The following SOHLH2 variants were observed in gnomAD, a reference collection of about 807,000 sequenced individuals.
SOHLH2 encodes spermatogenesis- and oogenesis-specific basic helix-loop-helix-containing protein 2.
SOHLH2 carries 22 observed loss-of-function variants against 50.4 expected under a neutral mutation model. The ratio of observed to expected loss-of-function variants is 0.44; its 90% confidence interval spans 0.31 to 0.62. SOHLH2 has a LOEUF of 0.62. Ranked by LOEUF, SOHLH2 falls within the 20% of genes least tolerant of loss-of-function variation. The pLI, the probability that SOHLH2 is intolerant of heterozygous loss-of-function variation, is 0.08. For synonymous variants in SOHLH2, 185 were observed against 187.3 expected, an observed-to-expected ratio of 0.99 and a Z score of 0.10; for missense variants, 412 against 504.4, an observed-to-expected ratio of 0.82 and a Z score of 1.76.
chr13:36,208,742 G>T (rs1335784586), intron 1 of SOHLH2, among the ~76,000 whole-genome samples: 2 of 152,136 alleles, frequency 1.3e-5, no homozygotes, highest in Non-Finnish European at 2.9e-5. Context: ...TACAGGCTCA[G>T]AAAATTATTT....
At chr13:36,190,358 C>T (rs1033173812) in intron 5 of SOHLH2, among the ~76,000 whole-genome samples, 8 of 152,108 alleles carry the variant, frequency 5.3e-5, no homozygotes, top group Non-Finnish European at 1.0e-4. Flanking sequence ...ATTATGACTA[C>T]ACCATATTAT....
At chr13:36,212,152 G>A (rs1869166367) in intron 1 of SOHLH2, among the ~76,000 whole-genome samples, 1 of 152,184 alleles carries the variant, frequency 6.6e-6, no homozygotes. Context: ...GTAGGAAGAT[G>A]ATCTGGAAAG....
intron 10 of SOHLH2, 107 bp from the exon 11 acceptor site, chr13:36,169,161 A>C: frequency 7.0e-7 from 1 of 1,421,586 alleles, no homozygotes; most frequent in Non-Finnish European, 9.2e-7. Context: ...AATGATTTGC[A>C]AAACTATGTT....
intron 6 of SOHLH2, among the ~76,000 whole-genome samples, chr13:36,186,116 C>T (rs1377967833): frequency 1.3e-5 from 2 of 151,970 alleles, no homozygotes; most frequent in African/African-American, 2.4e-5. Flanking sequence ...AAATTATCTA[C>T]ACCTTAAGAC....
Position 36,170,656 on chromosome 13 carries a change from T to C in SOHLH2, c.1132A>G (p.Thr378Ala), listed in dbSNP as rs1009745901. 4.3e-6 allele frequency: 7 copies of C among 1,614,150 alleles called. No individual in the cohort carries two copies. Among genetic ancestry groups the C allele is most frequent in the Admixed American group, 1.7e-5 (1 of 60,018 alleles). The change falls in exon 10 of 11, where the codon ACT becomes GCT. Residue 378 changes from threonine (T) to alanine (A), a missense_variant. By Grantham distance (58) the Thr-to-Ala change is moderately conservative. Transcript: ENST00000379881. ...YSKVTPSYDA[T>A]AVTNQNISIH... ...GAAATGTTCTGATTTGTTACAGCAG[T>C]TGCATCGTAGGAAGGGGTGACTTTA...
chr13:36,191,706 G>A, intron 5 of SOHLH2, 89 bp downstream of exon 5: 4 of 1,496,650 alleles, frequency 2.7e-6, no homozygotes, highest in South Asian at 2.4e-5. Flanking sequence ...CTTAAGTACA[G>A]CAAATGCTGC....
At position 36,189,882 on chromosome 13, in the gene SOHLH2, A is replaced by G. The variant is rs189475961; in HGVS notation, c.641+64T>C. 2.1e-5 allele frequency: 31 copies of G among 1,445,912 alleles called. No individual in the cohort carries two copies. The South Asian group carries it at 4.1e-4, about 19-fold the overall frequency. 89.6% of individuals were successfully genotyped at this position (1,445,912 alleles called of 1,614,324 possible). A position where few individuals can be genotyped will look rare whatever the true frequency, so the allele number is the denominator to read the frequency against. Reference sequence around the variant, plus strand: ...ACTTTTAATAATACTACAAAAAATTATAAAATTCATTAATTTCTCCCTACA... The same window carrying G: ...ACTTTTAATAATACTACAAAAAATTGTAAAATTCATTAATTTCTCCCTACA... On this transcript the variant is annotated intron_variant, in intron 6 of 10. Coordinates refer to ENST00000379881, the MANE Select transcript of SOHLH2 (RefSeq NM_017826.3).
intron 6 of SOHLH2, among the ~76,000 whole-genome samples, chr13:36,178,156 G>A (rs1032037846): frequency 1.3e-5 from 2 of 151,990 alleles, no homozygotes; most frequent in Non-Finnish European, 2.9e-5. Flanking sequence ...ATAACCACAT[G>A]TTGCTAGTGG....
intron 1 of SOHLH2, among the ~76,000 whole-genome samples, chr13:36,207,115 T>A (rs1437626314): frequency 6.6e-6 from 1 of 152,002 alleles, no homozygotes. Context: ...GAATTTACAG[T>A]TTTTACAAGC....
Position 36,202,047 on chromosome 13 carries a change from A to T in SOHLH2, c.95T>A (p.Leu32Gln). Residue 32 changes from leucine to glutamine, a missense_variant, in exon 2 of 11, where the codon CTG becomes CAG. Leu to Gln is a moderately radical substitution (Grantham distance 113). Coordinates refer to ENST00000379881, the MANE Select transcript of SOHLH2 (RefSeq NM_017826.3). The stretch of plus-strand genomic sequence containing the variant: ...AAATAGTTTCTGTACAGTATCAGCC[A>T]GGTAGCCCACAGTGACATCTCCAAC... ...LLVGDVTVGY[L>Q]ADTVQKLFAN... The T allele has an allele frequency of 6.2e-7, 1 of 1,614,248 alleles. No homozygotes were observed.
At chr13:36,195,411 C>T (rs1376439271) in intron 2 of SOHLH2, among the ~76,000 whole-genome samples, 1 of 152,136 alleles carries the variant, frequency 6.6e-6, no homozygotes, top group Non-Finnish European at 1.5e-5. Context: ...AGCTCTGGCA[C>T]AGGGCATCTG....
intron 2 of SOHLH2, among the ~76,000 whole-genome samples, chr13:36,199,043 T>C (rs529325410): frequency 6.6e-6 from 1 of 152,340 alleles, no homozygotes; most frequent in East Asian, 1.9e-4. Context: ...AGCCAGGCTT[T>C]TCATTTTGGT....
At chr13:36,181,005 G>T (rs1407814731) in intron 6 of SOHLH2, among the ~76,000 whole-genome samples, 2 of 152,018 alleles carry the variant, frequency 1.3e-5, no homozygotes, top group Non-Finnish European at 2.9e-5. Flanking sequence ...TTATCTATTT[G>T]TCCATTTAAT....
intron 6 of SOHLH2, chr13:36,182,475 C>G (rs1011729084): frequency 5.8e-6 from 1 of 172,674 alleles, no homozygotes; most frequent in Admixed American, 6.5e-5. Flanking sequence ...GTAGCTTTCA[C>G]ACTGGTCTCA....
intron 1 of SOHLH2, among the ~76,000 whole-genome samples, chr13:36,206,914 GTATGT>G (rs1405172988): frequency 2.0e-5 from 3 of 151,046 alleles, no homozygotes; most frequent in Non-Finnish European, 3.0e-5. Flanking sequence ...TGTTTACATA[GTATGT>G]TATTAGTGTA....
In SOHLH2 at chr13:36,173,659, C is replaced by A. The variant is rs778625570; in HGVS notation, c.1000+33G>T. 5.8e-5 allele frequency: 94 copies of A among 1,611,606 alleles called. 1 individual carries two copies. The East Asian group carries it at 2.1e-3, about 36-fold the overall frequency. On this transcript the variant is annotated intron_variant, in intron 9 of 10. Transcript: ENST00000379881. ...GGTTTGCAGGGCAGGGCAGGTCCCCCTCTAAGTGGCACAGATGCTAGGAGA... is the reference window on the plus strand; with the variant it reads ...GGTTTGCAGGGCAGGGCAGGTCCCCATCTAAGTGGCACAGATGCTAGGAGA...
intron 6 of SOHLH2, among the ~76,000 whole-genome samples, chr13:36,178,973 A>G (rs1053916269): frequency 6.6e-6 from 1 of 152,142 alleles, no homozygotes; most frequent in Non-Finnish European, 1.5e-5. Context: ...TAACCCTGTT[A>G]TAGTCATTCT....
At position 36,210,336 on chromosome 13, in the gene SOHLH2, C is replaced by G. The variant is rs556471312; in HGVS notation, c.48+4143G>C. 8.5e-5 allele frequency among the ~76,000 whole-genome samples: 13 copies of G among 152,280 alleles called. No individual in the cohort carries two copies. In the South Asian group the frequency reaches 2.5e-3, roughly 29 times the overall value. On this transcript the variant is annotated intron_variant, in intron 1 of 10. Transcript: ENST00000379881. ...TGGACTATCACTAAAATTGTTTTAT[C>G]ACTGCATTTCTTCTCTTTGTGTCTT...
intron 6 of SOHLH2, among the ~76,000 whole-genome samples, chr13:36,183,921 A>C (rs1887328764): frequency 6.6e-6 from 1 of 152,196 alleles, no homozygotes; most frequent in African/African-American, 2.4e-5. Context: ...CTCAGGAAGA[A>C]AGGGAAAAAG....
Sources: allele counts gnomAD v4.1 joint callset (sites outside exome capture counted in the v4.1 genomes callset), GRCh38; gene constraint gnomAD v4.1.1; transcripts MANE v1.5; gene names NCBI Gene and HGNC (gene_info 2026-07-23, HGNC 2026-07-21).